HIGD2B: variants seen among roughly 807,000 people sequenced by gnomAD.
The protein encoded by HIGD2B is HIG1 hypoxia inducible domain family member 2B.
For synonymous variants in HIGD2B, 45 were observed against 28.1 expected, an observed-to-expected ratio of 1.60 and a Z score of -1.90; for missense variants, 106 against 67.0, an observed-to-expected ratio of 1.58 and a Z score of -2.03.
intron 2 of HIGD2B, among the ~76,000 whole-genome samples, chr15:72,678,125 T>C (rs1453978930): frequency 6.6e-6 from 1 of 152,194 alleles, no homozygotes; most frequent in Non-Finnish European, 1.5e-5. Context: ...AATCCTGGAT[T>C]TCTAAAACAC....
At chr15:72,676,796 A>C (rs2064697379) in intron 2 of HIGD2B, among the ~76,000 whole-genome samples, 1 of 152,144 alleles carries the variant, frequency 6.6e-6, no homozygotes, top group African/African-American at 2.4e-5. Context: ...TAGTGGCTGC[A>C]GGGGTTAGGA....
intron 1 of HIGD2B, among the ~76,000 whole-genome samples, chr15:72,680,629 G>A (rs1019350641): frequency 1.3e-5 from 2 of 152,234 alleles, no homozygotes; most frequent in African/African-American, 2.4e-5. Context: ...GCTCACGCCT[G>A]TAATTCCAGC....
chr15:72,681,667 C>T (rs541393043), intron 1 of HIGD2B, among the ~76,000 whole-genome samples: 4 of 144,098 alleles, frequency 2.8e-5, no homozygotes, highest in Admixed American at 1.5e-4. Context: ...GCAGTGGTGG[C>T]GCGATCTCAT....
At position 72,676,107 on chromosome 15, in the gene HIGD2B, T is replaced by C. The variant is rs2150973030; in HGVS notation, c.268A>G (p.Ile90Val). Residue 90 changes from isoleucine (I) to valine (V), a missense_variant, in exon 3 of 3, where the codon ATT (isoleucine) becomes GTT (valine). By Grantham distance (29) the Ile-to-Val change is conservative. Transcript: ENST00000311755. ...GCTAGACCCAGCAAGATGGCTGCAA[T>C]GGTGAAGCCCTGGGCGGCGATCTGG... Reference protein sequence around the residue: ...HTQIAAQGFTIAAILLGLAAT... With the variant: ...HTQIAAQGFTVAAILLGLAAT... 1.3e-6 allele frequency: 1 copy of C among 765,694 alleles called. No homozygotes were observed. Among genetic ancestry groups the C allele is most frequent in the Non-Finnish European group, 2.4e-6 (1 of 416,796 alleles). The allele number at this position is 765,694 out of a possible 1,614,324, so 47.4% of individuals were successfully genotyped here.
At chr15:72,678,679 T>C (rs2064717068) in intron 2 of HIGD2B, among the ~76,000 whole-genome samples, 1 of 152,052 alleles carries the variant, frequency 6.6e-6, no homozygotes, top group Admixed American at 6.6e-5. Context: ...AATTAAAACA[T>C]AGAGAAATTA....
Position 72,686,098 on chromosome 15 carries a change from C to T in HIGD2B, c.-473G>A. On this transcript the variant is annotated 5_prime_UTR_variant, in exon 1 of 3. Coordinates refer to ENST00000311755, the MANE Select transcript of HIGD2B (RefSeq NM_001350932.3). The stretch of plus-strand genomic sequence containing the variant: ...GCAGACCCTAATCCTCCCCCTGATT[C>T]CTTAGGTCACTCGGCGATTTACTTC... 1 of 960,756 alleles carries T rather than the reference C, an allele frequency of 1.0e-6. No homozygotes were observed. The highest frequency in any genetic ancestry group is 1.6e-6 in the Non-Finnish European group (1 of 622,570). 59.5% of individuals were successfully genotyped at this position (960,756 alleles called of 1,614,324 possible).
rs537623949 is a variant in HIGD2B, at chr15:72,685,771, A to G, written c.-193+47T>C. The G allele has an allele frequency of 4.1e-5, 11 of 269,144 alleles. No individual in the cohort carries two copies. The South Asian group carries it at 4.4e-4, about 11-fold the overall frequency. 16.7% of individuals were successfully genotyped at this position (269,144 alleles called of 1,614,324 possible). A position where few individuals can be genotyped will look rare whatever the true frequency, so the allele number is the denominator to read the frequency against. On this transcript the variant is annotated intron_variant, in intron 1 of 2. Coordinates refer to ENST00000311755, the MANE Select transcript of HIGD2B (RefSeq NM_001350932.3). ...ACAAGAGTGGGAAGCTGATAAGGTG[A>G]GTACCTCAGTTCGATAGTGACAGCC...
intron 1 of HIGD2B, among the ~76,000 whole-genome samples, chr15:72,684,509 C>CA (rs893218168): frequency 2.6e-5 from 4 of 151,978 alleles, no homozygotes; most frequent in African/African-American, 9.7e-5. Context: ...TTTTTTGAGA[C>CA]AGAGTTTTGC....
intron 1 of HIGD2B, chr15:72,682,901 G>T: frequency 4.5e-6 from 1 of 220,850 alleles, no homozygotes; most frequent in Non-Finnish European, 9.4e-6. Context: ...GAATTGAGGA[G>T]TAAATCCTTT....
intron 1 of HIGD2B, among the ~76,000 whole-genome samples, chr15:72,684,472 G>A (rs756138016): frequency 2.0e-5 from 3 of 151,986 alleles, no homozygotes; most frequent in Non-Finnish European, 4.4e-5. Context: ...GACATCAATA[G>A]TGAGACCCCT....
At chr15:72,678,347 G>A (rs1051266461) in intron 2 of HIGD2B, among the ~76,000 whole-genome samples, 1 of 152,046 alleles carries the variant, frequency 6.6e-6, no homozygotes, top group African/African-American at 2.4e-5. Flanking sequence ...CCAGGCTGGA[G>A]TTTGGTGGCA....
Position 72,685,935 on chromosome 15 carries a change from T to G in HIGD2B, c.-310A>C, listed in dbSNP as rs1237492376. 2 of 541,856 alleles carry G rather than the reference T, an allele frequency of 3.7e-6. No individual in the cohort carries two copies. The highest frequency in any genetic ancestry group is 6.7e-6 in the Non-Finnish European group (2 of 299,650). The allele number at this position is 541,856 out of a possible 1,614,324, so 33.6% of individuals were successfully genotyped here. On this transcript the variant is annotated 5_prime_UTR_variant, in exon 1 of 3. Transcript: ENST00000311755. ...GAACTAGGCTGCCATCCCAGGTGGC[T>G]GGCCTACCAGCCAGCGCGGCCGGAG...
intron 1 of HIGD2B, among the ~76,000 whole-genome samples, chr15:72,685,160 T>A (rs1187804322): frequency 6.6e-6 from 1 of 152,186 alleles, no homozygotes; most frequent in Non-Finnish European, 1.5e-5. Flanking sequence ...TGTATTTGGA[T>A]AGATTACCGT....
chr15:72,677,243 A>G (rs1484641433), intron 2 of HIGD2B, among the ~76,000 whole-genome samples: 1 of 152,170 alleles, frequency 6.6e-6, no homozygotes, highest in Non-Finnish European at 1.5e-5. Context: ...CAGCCTGGGC[A>G]ACATGGTGAA....
Position 72,676,182 on chromosome 15 carries a change from A to G in HIGD2B, c.193T>C (p.Tyr65His), listed in dbSNP as rs201831579. 9.4e-4 allele frequency: 718 copies of G among 763,584 alleles called. No individual in the cohort carries two copies. Among genetic ancestry groups the G allele is most frequent in the Non-Finnish European group, 1.5e-3 (635 of 416,322 alleles). The allele number at this position is 763,584 out of a possible 1,614,324, so 47.3% of individuals were successfully genotyped here. Residue 65 changes from tyrosine to histidine, a missense_variant, in exon 3 of 3, where the codon TAC becomes CAC. Coordinates refer to ENST00000311755, the MANE Select transcript of HIGD2B (RefSeq NM_001350932.3). Reference sequence around the variant, plus strand: ...TGGCTGTTGCCCTGGTGGAAGCAGTAGAGGCCGTTGGTGAGGACGGCCGCC... The same window carrying G: ...TGGCTGTTGCCCTGGTGGAAGCAGTGGAGGCCGTTGGTGAGGACGGCCGCC... ...CTAAVLTNGL[Y>H]CFHQGNSQCS...
rs772480588 is a variant in HIGD2B, at chr15:72,676,220, C to A, written c.155G>T (p.Gly52Val). Reference protein sequence around the residue: ...KTRENPVVPIGFLCTAAVLTN... With the variant: ...KTRENPVVPIVFLCTAAVLTN... Reference sequence around the variant, plus strand: ...GAGGACGGCCGCCGTGCACAGGAAACCTATGGGTACCACCGGATTCTCGCG... The same window carrying A: ...GAGGACGGCCGCCGTGCACAGGAAAACTATGGGTACCACCGGATTCTCGCG... The change falls in exon 3 of 3, where the codon GGT (glycine) becomes GTT (valine). Residue 52 changes from glycine to valine, a missense_variant. Transcript: ENST00000311755. The A allele has an allele frequency of 1.3e-6, 1 of 766,294 alleles. No homozygotes were observed. 47.5% of individuals were successfully genotyped at this position (766,294 alleles called of 1,614,324 possible). A position where few individuals can be genotyped will look rare whatever the true frequency, so the allele number is the denominator to read the frequency against.
At chr15:72,685,494 T>A (rs983006204) in intron 1 of HIGD2B, among the ~76,000 whole-genome samples, 8 of 152,168 alleles carry the variant, frequency 5.3e-5, no homozygotes, top group Non-Finnish European at 1.2e-4. Context: ...TTAGAAACAC[T>A]AAACATTTAA....
Position 72,676,403 on chromosome 15 carries a change from C to CTT in HIGD2B, c.-13-18_-13-17dup, listed in dbSNP as rs112964333. ...TAGGCCACAGCTGCAGGAGAAAATC[C>CTT]TTTGTTTTTTTTTTTTTTTGAGAAG... is the stretch of plus-strand genomic sequence containing the variant. On this transcript the variant is annotated splice_polypyrimidine_tract_variant and intron_variant, in intron 2 of 2. Coordinates refer to ENST00000311755, the MANE Select transcript of HIGD2B (RefSeq NM_001350932.3). The CTT allele has an allele frequency of 2.8e-5, 19 of 675,060 alleles. No individual in the cohort carries two copies. Among genetic ancestry groups the CTT allele is most frequent in the South Asian group, 8.0e-5 (5 of 62,190 alleles). 41.8% of individuals were successfully genotyped at this position (675,060 alleles called of 1,614,324 possible).
In HIGD2B at chr15:72,676,361, C is replaced by T. The variant is rs754069938; in HGVS notation, c.14G>A (p.Gly5Asp). ...AAAGGGGGCCTCCGGAGTCACAAAGCCGAGAGTCGCCATGCCTAGGCCACA... is the reference window on the plus strand; with the variant it reads ...AAAGGGGGCCTCCGGAGTCACAAAGTCGAGAGTCGCCATGCCTAGGCCACA... The part of the protein sequence containing the change: MATL[G>D]FVTPEAPFES... Residue 5 changes from glycine (G) to aspartate (D), a missense_variant, in exon 3 of 3, where the codon GGC becomes GAC. Coordinates refer to ENST00000311755, the MANE Select transcript of HIGD2B (RefSeq NM_001350932.3). 12 of 756,268 alleles carry T rather than the reference C, an allele frequency of 1.6e-5. No individual in the cohort carries two copies. Among genetic ancestry groups the T allele is most frequent in the East Asian group, 2.4e-5 (1 of 40,918 alleles). 46.8% of individuals were successfully genotyped at this position (756,268 alleles called of 1,614,324 possible).
Sources: allele counts gnomAD v4.1 joint callset (sites outside exome capture counted in the v4.1 genomes callset), GRCh38; gene constraint gnomAD v4.1.1; transcripts MANE v1.5; gene names NCBI Gene and HGNC (gene_info 2026-07-23, HGNC 2026-07-21).